IL1RAPL2: variants seen among roughly 807,000 people sequenced by gnomAD.
The protein encoded by IL1RAPL2 is interleukin 1 receptor accessory protein like 2.
IL1RAPL2 carries 3 observed loss-of-function variants against 44.1 expected under a neutral mutation model. The ratio of observed to expected loss-of-function variants is 0.07; its 90% CI spans 0.03 to 0.18. IL1RAPL2 has a LOEUF of 0.18. Ranked by LOEUF, IL1RAPL2 falls within the 10% of genes least tolerant of loss-of-function variation. The pLI, the probability that IL1RAPL2 is intolerant of heterozygous loss-of-function variation, is 1.00. For missense variants in IL1RAPL2, 391 were observed against 496.4 expected (o/e 0.79, Z 2.02); for synonymous variants, 181 against 178.8 (o/e 1.01, Z -0.10).
intron 2 of IL1RAPL2, among the ~76,000 whole-genome samples, chrX:104,729,674 G>A (rs1331116148): frequency 9.2e-6 from 1 of 108,222 alleles, no homozygotes. Context: ...GCACCTTCAA[G>A]TAGACCCCAG....
chrX:105,642,816 C>T (rs907211004), intron 6 of IL1RAPL2, among the ~76,000 whole-genome samples: 2 of 112,534 alleles, frequency 1.8e-5, no homozygotes, highest in African/African-American at 6.5e-5. Flanking sequence ...CACAACTATT[C>T]GTAGCTGATT....
intron 2 of IL1RAPL2, among the ~76,000 whole-genome samples, chrX:104,661,326 C>T (rs193108473): frequency 2.7e-5 from 3 of 111,561 alleles, no homozygotes; most frequent in African/African-American, 6.5e-5. Context: ...TTTGAATGCA[C>T]AGCTGGTTCT....
intron 1 of IL1RAPL2, among the ~76,000 whole-genome samples, chrX:104,577,751 G>T (rs1928269744): frequency 9.0e-6 from 1 of 111,319 alleles, no homozygotes; most frequent in East Asian, 2.8e-4. Flanking sequence ...TGTCAGGAGA[G>T]TATATGAGGG....
At chrX:105,463,249 C>T (rs774776552) in intron 5 of IL1RAPL2, among the ~76,000 whole-genome samples, 1 of 110,423 alleles carries the variant, frequency 9.1e-6, no homozygotes, top group African/African-American at 3.3e-5. Context: ...CCTTAGTATG[C>T]CATTTATCCA....
chrX:105,728,789 A>G (rs996224673), intron 7 of IL1RAPL2, among the ~76,000 whole-genome samples: 1 of 111,443 alleles, frequency 9.0e-6, no homozygotes, highest in African/African-American at 3.2e-5. Flanking sequence ...TTTTTGACAA[A>G]TGTAAAATAT....
At chrX:105,745,098 C>G (rs976503649) in intron 8 of IL1RAPL2, among the ~76,000 whole-genome samples, 1 of 111,414 alleles carries the variant, frequency 9.0e-6, no homozygotes, top group Non-Finnish European at 1.9e-5. Flanking sequence ...AAGGCACCAG[C>G]AGATTCATGT....
intron 2 of IL1RAPL2, among the ~76,000 whole-genome samples, chrX:104,985,206 G>A (rs750280729): frequency 9.1e-6 from 1 of 110,016 alleles, no homozygotes; most frequent in East Asian, 2.9e-4. Context: ...TTGTGCCTCA[G>A]CCTCCCAAGT....
At chrX:104,676,301 A>G (rs1930755869) in intron 2 of IL1RAPL2, among the ~76,000 whole-genome samples, 1 of 111,431 alleles carries the variant, frequency 9.0e-6, no homozygotes, top group South Asian at 3.8e-4. Context: ...GCTGGTGGTG[A>G]CAAAATCTCT....
At chrX:104,996,781 A>G (rs2030756392) in intron 2 of IL1RAPL2, among the ~76,000 whole-genome samples, 1 of 111,728 alleles carries the variant, frequency 9.0e-6, no homozygotes, top group Non-Finnish European at 1.9e-5. Context: ...AAGACAAGAA[A>G]ATATCAGGTA....
intron 2 of IL1RAPL2, among the ~76,000 whole-genome samples, chrX:105,190,677 T>A (rs894743367): frequency 8.9e-6 from 1 of 112,088 alleles, no homozygotes; most frequent in African/African-American, 3.2e-5. Flanking sequence ...AAATCCAGAA[T>A]CAGCAATTCT....
chrX:105,742,602 T>C (rs1031453491), intron 8 of IL1RAPL2, among the ~76,000 whole-genome samples: 66 of 111,701 alleles, frequency 5.9e-4, no homozygotes, highest in African/African-American at 2.1e-3. Context: ...TCATGTTAAC[T>C]GACAATGTTA....
intron 5 of IL1RAPL2, among the ~76,000 whole-genome samples, chrX:105,356,660 T>C (rs749777152): frequency 2.7e-5 from 3 of 112,235 alleles, no homozygotes; most frequent in Non-Finnish European, 1.9e-5. Context: ...TTTGGATTTG[T>C]TGAGTCCAGT....
At chrX:105,557,455 A>T (rs1162917143) in intron 6 of IL1RAPL2, among the ~76,000 whole-genome samples, 1 of 111,835 alleles carries the variant, frequency 8.9e-6, no homozygotes, top group African/African-American at 3.2e-5. Context: ...AAAACAAATG[A>T]TAGTAGTTTT....
intron 5 of IL1RAPL2, among the ~76,000 whole-genome samples, chrX:105,340,251 T>C (rs1451007193): frequency 9.0e-6 from 1 of 111,412 alleles, no homozygotes; most frequent in East Asian, 2.8e-4. Flanking sequence ...GAGTCATCCT[T>C]GACTCATTCT....
intron 2 of IL1RAPL2, among the ~76,000 whole-genome samples, chrX:104,675,986 T>C (rs1930743418): frequency 1.9e-5 from 2 of 106,521 alleles, no homozygotes; most frequent in Admixed American, 2.0e-4. Context: ...TTTGAGTCTA[T>C]GTGTGTCTCT....
intron 2 of IL1RAPL2, among the ~76,000 whole-genome samples, chrX:104,796,458 T>C (rs778429026): frequency 1.2e-4 from 13 of 112,064 alleles, no homozygotes; most frequent in Non-Finnish European, 1.7e-4. Context: ...ACTCTGGACC[T>C]TTCTGGAAGG....
At chrX:105,616,051 A>G (rs762946221) in intron 6 of IL1RAPL2, among the ~76,000 whole-genome samples, 4 of 112,364 alleles carry the variant, frequency 3.6e-5, no homozygotes, top group African/African-American at 9.7e-5. Context: ...GGAAGATTAT[A>G]TAACTATATC....
At chrX:105,040,778 T>C (rs2031718485) in intron 2 of IL1RAPL2, among the ~76,000 whole-genome samples, 1 of 109,326 alleles carries the variant, frequency 9.1e-6, no homozygotes. Flanking sequence ...TTTTTTTCTT[T>C]ATTAGTCTTG....
At chrX:105,703,212 A>G (rs1018644170) in intron 6 of IL1RAPL2, among the ~76,000 whole-genome samples, 11 of 111,373 alleles carry the variant, frequency 9.9e-5, no homozygotes, top group Non-Finnish European at 1.9e-4. Flanking sequence ...CCTGGTCTAT[A>G]CCACCAGATG....
Sources: allele counts gnomAD v4.1 joint callset (sites outside exome capture counted in the v4.1 genomes callset), GRCh38; gene constraint gnomAD v4.1.1; transcripts MANE v1.5; gene names NCBI Gene and HGNC (gene_info 2026-07-23, HGNC 2026-07-21).